Variants in PHF1 observed in about 807,000 individuals in gnomAD.
PHF1 encodes PHD finger protein 1.
In PHF1, 16 loss-of-function variants were observed where a neutral mutation model predicts 69.4. The observed-to-expected ratio is 0.23, with a 90% CI of 0.16 to 0.35. The LOEUF (loss-of-function observed/expected upper bound fraction) is 0.35. Among genes scored for constraint, PHF1 ranks in the 10% least tolerant of loss-of-function variants. The pLI is 1.00. For missense variants in PHF1, 515 were observed against 732.8 expected (o/e 0.70, Z 3.43); for synonymous variants, 274 against 275.0 (o/e 1.00, Z 0.04).
In PHF1 at chr6:33,416,135, C is replaced by T. The variant is rs1303309907; in HGVS notation, c.*37C>T. ...CTGCCCAGCTCCCCATTCACACACA[C>T]CGGCACTTTCATACCCTGACCTCTG... On this transcript the variant is annotated 3_prime_UTR_variant, in exon 15 of 15. Coordinates refer to ENST00000374516, the MANE Select transcript of PHF1 (RefSeq NM_024165.3). 1.3e-6 allele frequency: 2 copies of T among 1,496,760 alleles called. No homozygotes were observed. The highest frequency in any genetic ancestry group is 2.7e-5 in the South Asian group (2 of 75,204). 92.7% of individuals were successfully genotyped at this position (1,496,760 alleles called of 1,614,324 possible).
chr6:33,415,373 T>G, intron 13 of PHF1, 44 bp downstream of exon 13: 1 of 1,456,022 alleles, frequency 6.9e-7, no homozygotes, highest in Non-Finnish European at 9.6e-7. Flanking sequence ...TGCTCCCAAT[T>G]ATTCACATCT....
In PHF1 at chr6:33,414,979, G is replaced by A. The variant is rs762229233; in HGVS notation, c.1074G>A (p.Gly358=). 6.5e-6 allele frequency: 10 copies of A among 1,547,940 alleles called. No individual in the cohort carries two copies. In the Admixed American group the frequency reaches 7.9e-5, roughly 12 times the overall value. ...GCTTCCCTTCAGGGCAGGGCCCTGG[G>A]GGAGGGGTCTCACGTCCCCTGGGGA... ...LTSFPSGQGP[G]GGVSRPLGKR... is the part of the protein sequence containing the mutation. The change falls in exon 12 of 15, where the codon GGG becomes GGA. Residue 358 remains glycine, a synonymous_variant. Transcript: ENST00000374516. The surrounding 1 kb of genome is among the most constrained non-coding windows in gnomAD (Gnocchi z 5.0).
At chr6:33,413,075 G>A (rs1776201056) in intron 4 of PHF1, 121 bp from the exon 5 acceptor site, 11 of 923,824 alleles carry the variant, frequency 1.2e-5, no homozygotes, top group Admixed American at 1.7e-5. Flanking sequence ...GTAAAATAAG[G>A]ATAATGCACC....
chr6:33,416,164 T>C lies in PHF1; in HGVS notation c.*66T>C. On this transcript the variant is annotated 3_prime_UTR_variant, in exon 15 of 15. Transcript: ENST00000374516. ...CACTTTCATACCCTGACCTCTGACCTCACCTACAGCTGGGATGTACCTGGA... is the reference window on the plus strand; with the variant it reads ...CACTTTCATACCCTGACCTCTGACCCCACCTACAGCTGGGATGTACCTGGA... 2 of 1,354,582 alleles carry C rather than the reference T, an allele frequency of 1.5e-6. No individual in the cohort carries two copies. Among genetic ancestry groups the C allele is most frequent in the South Asian group, 1.5e-5 (1 of 67,288 alleles). The allele number at this position is 1,354,582 out of a possible 1,614,324, so 83.9% of individuals were successfully genotyped here. A position where few individuals can be genotyped will look rare whatever the true frequency, so the allele number is the denominator to read the frequency against.
chr6:33,415,247 C>T lies in PHF1; in HGVS notation c.1252C>T (p.Pro418Ser). The change falls in exon 13 of 15, where the codon CCA (proline) becomes TCA (serine). Residue 418 changes from proline to serine, a missense_variant. This residue lies in a region of PHF1 where 274 missense variants were observed against 304.5 expected (regional missense o/e 0.90). Coordinates refer to ENST00000374516, the MANE Select transcript of PHF1 (RefSeq NM_024165.3). The part of the protein sequence containing the change: ...LQRALQASVS[P>S]PSPSPNQSYQ... ...CCCCCTCTTCTAGGCCTCAGTGTCTCCACCATCCCCCAGCCCTAACCAGAG... is the reference window on the plus strand; with the variant it reads ...CCCCCTCTTCTAGGCCTCAGTGTCTTCACCATCCCCCAGCCCTAACCAGAG... The T allele has an allele frequency of 6.2e-7, 1 of 1,613,864 alleles. No individual in the cohort carries two copies. The highest frequency in any genetic ancestry group is 8.5e-7 in the Non-Finnish European group (1 of 1,179,842).
intron 6 of PHF1, 35 bp downstream of exon 6, chr6:33,413,592 A>T: frequency 1.2e-6 from 2 of 1,613,568 alleles, no homozygotes; most frequent in East Asian, 2.2e-5. Context: ...TGTGGAATGA[A>T]TGATGTGGTG....
At position 33,412,606 on chromosome 6, in the gene PHF1, C is replaced by T; in HGVS notation, c.241+17C>T. 1 of 1,613,682 alleles carries T rather than the reference C, an allele frequency of 6.2e-7. No individual in the cohort carries two copies. The highest frequency in any genetic ancestry group is 1.1e-5 in the South Asian group (1 of 91,076). On this transcript the variant is annotated intron_variant, in intron 3 of 14. Coordinates refer to ENST00000374516, the MANE Select transcript of PHF1 (RefSeq NM_024165.3). This position sits in a 1 kb window ranked among gnomAD's most constrained non-coding sequence, Gnocchi z 4.2. ...TTAGCCCTGGTAAGACTCTAGAGACCTGAGATTGCACATCCCATGGAAAAC... is the reference window on the plus strand; with the variant it reads ...TTAGCCCTGGTAAGACTCTAGAGACTTGAGATTGCACATCCCATGGAAAAC...
rs764386943 is a variant in PHF1 at position 33,413,152 on chromosome 6, G to GCA, written c.338-37_338-36dup. On this transcript the variant is annotated intron_variant, in intron 4 of 14. Transcript: ENST00000374516. ...AAGACTATTCCTGTCCCAATACCAA[G>GCA]CACACACAGGTATGCAATAAGTGGT... 50 of 1,499,248 alleles carry GCA rather than the reference G, an allele frequency of 3.3e-5. No homozygotes were observed. In the East Asian group the frequency reaches 1.0e-3, roughly 30 times the overall value. The allele number at this position is 1,499,248 out of a possible 1,614,324, so 92.9% of individuals were successfully genotyped here.
intron 4 of PHF1, 40 bp from the exon 5 acceptor site, chr6:33,413,152 GCACA>G: frequency 6.7e-7 from 1 of 1,499,248 alleles, no homozygotes; most frequent in Non-Finnish European, 9.3e-7. Context: ...CCAATACCAA[GCACA>G]CACAGGTATG....
rs2151105522 is a variant in PHF1 at position 33,412,682 on chromosome 6, C to T, written c.242-16C>T. The T allele has an allele frequency of 1.9e-6, 3 of 1,612,902 alleles. No individual in the cohort carries two copies. The South Asian group carries it at 3.3e-5, about 18-fold the overall frequency. ...AGACTTAAAGGCAGGCCCTGTGACA[C>T]TGTGTTCTCTCACAGCTGCCCTCCC... On this transcript the variant is annotated splice_polypyrimidine_tract_variant and intron_variant, in intron 3 of 14. Coordinates refer to ENST00000374516, the MANE Select transcript of PHF1 (RefSeq NM_024165.3). The surrounding 1 kb of genome is among the most constrained non-coding windows in gnomAD (Gnocchi z 4.2).
In PHF1 at chr6:33,414,843, G is replaced by A; in HGVS notation, c.1049+14G>A. On this transcript the variant is annotated intron_variant, in intron 11 of 14. Coordinates refer to ENST00000374516, the MANE Select transcript of PHF1 (RefSeq NM_024165.3). The surrounding 1 kb of genome is among the most constrained non-coding windows in gnomAD (Gnocchi z 5.0). ...AGCACTCACCAGGTCACTGGTCCAGGGGGGATGGGGGAAATTCTCAGGGTG... is the reference window on the plus strand; with the variant it reads ...AGCACTCACCAGGTCACTGGTCCAGAGGGGATGGGGGAAATTCTCAGGGTG... 4.4e-6 allele frequency: 7 copies of A among 1,607,154 alleles called. No homozygotes were observed. Among genetic ancestry groups the A allele is most frequent in the South Asian group, 1.1e-5 (1 of 90,670 alleles).
intron 14 of PHF1, 31 bp downstream of exon 14, chr6:33,415,701 CTCT>C (rs756969430): frequency 9.3e-6 from 15 of 1,610,226 alleles, no homozygotes; most frequent in Non-Finnish European, 1.2e-5. Context: ...ACCAGTGATG[CTCT>C]TCTTCCCCTC....
chr6:33,415,833 G>A lies in PHF1; in HGVS notation c.1439G>A (p.Gly480Asp), dbSNP rs371426764. 1.9e-6 allele frequency: 3 copies of A among 1,600,484 alleles called. No homozygotes were observed. The African/African-American group carries it at 4.0e-5, about 21-fold the overall frequency. Residue 480 changes from glycine to aspartate, a missense_variant, in exon 15 of 15, where the codon GGT becomes GAT. Physicochemically the swap from Gly to Asp is moderately conservative, Grantham distance 94 (BLOSUM62 -1). This residue lies in a region of PHF1 where 274 missense variants were observed against 304.5 expected (regional missense o/e 0.90). Coordinates refer to ENST00000374516, the MANE Select transcript of PHF1 (RefSeq NM_024165.3). ...AGGTCACCCCTGGAACTTCACATTG[G>A]TTTCCCCACAGACATCCCTAAAAGT... ...PDRSPLELHI[G>D]FPTDIPKSAP...
At position 33,412,272 on chromosome 6, in the gene PHF1, G is replaced by A. The variant is rs752662731; in HGVS notation, c.9G>A (p.Gln3=). Residue 3 remains glutamine, a synonymous_variant, in exon 2 of 15, where the codon CAG becomes CAA. Transcript: ENST00000374516. The surrounding 1 kb of genome is among the most constrained non-coding windows in gnomAD (Gnocchi z 4.2). The part of the protein sequence containing the change: MA[Q]PPRLSRSGAS... ...GGCCCCCCCAGGATGCAATGGCGCA[G>A]CCCCCCCGGCTGAGCCGCTCTGGTG... 1 of 1,612,992 alleles carries A rather than the reference G, an allele frequency of 6.2e-7. No homozygotes were observed. The highest frequency in any genetic ancestry group is 1.7e-5 in the Admixed American group (1 of 60,004).
chr6:33,413,058 C>T lies in PHF1; in HGVS notation c.338-138C>T, dbSNP rs1030750389. On this transcript the variant is annotated intron_variant, in intron 4 of 14. Coordinates refer to ENST00000374516, the MANE Select transcript of PHF1 (RefSeq NM_024165.3). Reference sequence around the variant, plus strand: ...CTTAACCTCTAGGAGCCTCAGTTCCCTGACTTGTAAAATAAGGATAATGCA... The same window carrying T: ...CTTAACCTCTAGGAGCCTCAGTTCCTTGACTTGTAAAATAAGGATAATGCA... The T allele has an allele frequency of 3.5e-6, 3 of 853,466 alleles. No homozygotes were observed. The African/African-American group carries it at 5.0e-5, about 14-fold the overall frequency. The allele number at this position is 853,466 out of a possible 1,614,324, so 52.9% of individuals were successfully genotyped here.
In PHF1 at chr6:33,416,095, C is replaced by G. The variant is rs1258886199; in HGVS notation, c.1701C>G (p.Phe567Leu). 6.5e-7 allele frequency: 1 copy of G among 1,536,740 alleles called. No homozygotes were observed. The highest frequency in any genetic ancestry group is 2.0e-5 in the Admixed American group (1 of 49,796). ...TTGAGTGGGGAGGAGGGGGCATCTT[C>G]TGAACAGCCTGCCTCTGCCCAGCTC... ...YLVEWGGGGI[F>L] Residue 567 changes from phenylalanine to leucine, a missense_variant, in exon 15 of 15, where the codon TTC (phenylalanine) becomes TTG (leucine). By Grantham distance (22) the Phe-to-Leu change is conservative. Coordinates refer to ENST00000374516, the MANE Select transcript of PHF1 (RefSeq NM_024165.3).
chr6:33,414,701 A>C lies in PHF1; in HGVS notation c.945-24A>C, dbSNP rs749898538. The C allele has an allele frequency of 3.1e-6, 5 of 1,592,326 alleles. No homozygotes were observed. The highest frequency in any genetic ancestry group is 4.3e-6 in the Non-Finnish European group (5 of 1,160,900). On this transcript the variant is annotated intron_variant, in intron 10 of 14. Transcript: ENST00000374516. This position sits in a 1 kb window ranked among gnomAD's most constrained non-coding sequence, Gnocchi z 5.0. ...AACCGTTTTTTACAGCACTGACCCT[A>C]TATCATTTCTCTTCTTGCCCCAGTT...
At chr6:33,413,664 G>T in intron 6 of PHF1, 72 bp from the exon 7 acceptor site, 2 of 1,597,366 alleles carry the variant, frequency 1.3e-6, no homozygotes, top group Non-Finnish European at 1.7e-6. Flanking sequence ...GGGATAGGAG[G>T]TAAGTTTAGG....
Position 33,413,316 on chromosome 6 carries a change from AC to A in PHF1, c.438+23del. 1 of 1,611,386 alleles carries A rather than the reference AC, an allele frequency of 6.2e-7. No homozygotes were observed. The highest frequency in any genetic ancestry group is 8.5e-7 in the Non-Finnish European group (1 of 1,178,502). ...ACCAAGGTAAAGGCACTTCCCTGTT[AC>A]CCTTCCTGTGGGAGCCTCCCATCCA... On this transcript the variant is annotated intron_variant, in intron 5 of 14. Coordinates refer to ENST00000374516, the MANE Select transcript of PHF1 (RefSeq NM_024165.3).
Sources: gnomAD v4.1 joint callset for allele counts on GRCh38, gnomAD v4.1.1 for gene constraint, gnomAD v4.1.1 regional missense constraint, Gnocchi (gnomAD v3.1) non-coding constraint, MANE v1.5 for transcripts, NCBI Gene and HGNC (gene_info 2026-07-23, HGNC 2026-07-21) for gene names.